Variants in NALF1 observed in about 807,000 individuals in gnomAD.
The protein encoded by NALF1 is family with sequence similarity 155 member A.
NALF1 carries 3 observed loss-of-function variants against 48.4 expected under a neutral mutation model. The observed-to-expected ratio is 0.06, with a 90% CI of 0.03 to 0.16. The LOEUF (loss-of-function observed/expected upper bound fraction) is 0.16. Ranked by LOEUF, NALF1 falls within the 10% of genes least tolerant of loss-of-function variation. The pLI is 1.00. For synonymous variants in NALF1, 262 were observed against 245.7 expected (o/e 1.07, Z -0.62); for missense variants, 526 against 571.5 (o/e 0.92, Z 0.81).
intron 1 of NALF1, among the ~76,000 whole-genome samples, chr13:107,224,268 A>G (rs774900698): frequency 1.3e-5 from 2 of 151,800 alleles, no homozygotes; most frequent in African/African-American, 4.8e-5. Context: ...CAAAAATCAA[A>G]TTAATAAAGC....
intron 1 of NALF1, among the ~76,000 whole-genome samples, chr13:107,288,173 G>A: frequency 6.6e-6 from 1 of 150,626 alleles, no homozygotes; most frequent in Admixed American, 6.6e-5. Context: ...ATATTTAATA[G>A]AAGATTAGTT....
intron 1 of NALF1, among the ~76,000 whole-genome samples, chr13:107,488,734 C>A (rs1468161904): frequency 2.6e-5 from 4 of 152,088 alleles, no homozygotes; most frequent in Admixed American, 6.6e-5. Flanking sequence ...TTTCCTCTCT[C>A]AACACTCTTA....
intron 1 of NALF1, among the ~76,000 whole-genome samples, chr13:107,506,721 T>A (rs1203037421): frequency 4.6e-5 from 7 of 152,138 alleles, no homozygotes; most frequent in African/African-American, 1.7e-4. Context: ...AATTCATTTT[T>A]TCTCTGAATA....
chr13:107,198,386 A>C (rs1419573178), intron 2 of NALF1, among the ~76,000 whole-genome samples: 2 of 152,324 alleles, frequency 1.3e-5, no homozygotes, highest in South Asian at 4.2e-4. Context: ...TTTACTTTAC[A>C]ATTAAAGACT....
At chr13:107,515,089 C>A (rs1475076516) in intron 1 of NALF1, among the ~76,000 whole-genome samples, 4 of 152,114 alleles carry the variant, frequency 2.6e-5, no homozygotes, top group Non-Finnish European at 5.9e-5. Flanking sequence ...TTACAAAATA[C>A]AAGAAATAGG....
intron 1 of NALF1, among the ~76,000 whole-genome samples, chr13:107,480,678 C>T (rs1885241374): frequency 2.0e-5 from 3 of 152,134 alleles, no homozygotes. Context: ...ATACATGCGG[C>T]CCACGGGCCG....
At chr13:107,654,254 C>T (rs925982059) in intron 1 of NALF1, among the ~76,000 whole-genome samples, 3 of 152,102 alleles carry the variant, frequency 2.0e-5, no homozygotes, top group African/African-American at 7.2e-5. Context: ...ACTGTAAACA[C>T]CTTTATGTGC....
At chr13:107,805,786 T>C (rs1878767312) in intron 1 of NALF1, among the ~76,000 whole-genome samples, 2 of 152,162 alleles carry the variant, frequency 1.3e-5, no homozygotes, top group South Asian at 2.1e-4. Context: ...TTTGCAAGTG[T>C]CTTCTTAATG....
intron 1 of NALF1, among the ~76,000 whole-genome samples, chr13:107,741,059 CTTGTTTGGTATCAG>C (rs1347360224): frequency 1.4e-4 from 21 of 152,242 alleles, no homozygotes; most frequent in African/African-American, 4.8e-4. Flanking sequence ...CATTGATTCT[CTTGTTTGGTATCAG>C]TAGCGTTTTG....
chr13:107,682,702 G>A (rs965659863), intron 1 of NALF1, among the ~76,000 whole-genome samples: 4 of 151,624 alleles, frequency 2.6e-5, no homozygotes, highest in African/African-American at 9.7e-5. Context: ...TACAAGTTCT[G>A]CGAGGGCCAG....
intron 1 of NALF1, among the ~76,000 whole-genome samples, chr13:107,661,016 A>G (rs1299486946): frequency 2.6e-5 from 4 of 152,238 alleles, no homozygotes; most frequent in African/African-American, 9.6e-5. Flanking sequence ...TATTTGGGAA[A>G]AAATCCGTAA....
intron 1 of NALF1, among the ~76,000 whole-genome samples, chr13:107,786,498 C>T (rs1594266116): frequency 2.1e-5 from 3 of 142,074 alleles, no homozygotes; most frequent in South Asian, 2.3e-4. Context: ...CTGAGGTGGG[C>T]GGATCACCTG....
intron 1 of NALF1, among the ~76,000 whole-genome samples, chr13:107,715,605 TGA>T (rs1347608181): frequency 1.3e-5 from 2 of 152,176 alleles, no homozygotes; most frequent in African/African-American, 4.8e-5. Context: ...ATTCATGTGA[TGA>T]GCCGCCTGTG....
At chr13:107,219,461 C>T (rs1283688862) in intron 1 of NALF1, among the ~76,000 whole-genome samples, 13 of 152,072 alleles carry the variant, frequency 8.5e-5, no homozygotes, top group Non-Finnish European at 1.8e-4. Context: ...GGAAATCAGT[C>T]TTCTAAAGAA....
At chr13:107,389,488 T>G in intron 1 of NALF1, among the ~76,000 whole-genome samples, 1 of 152,154 alleles carries the variant, frequency 6.6e-6, no homozygotes, top group East Asian at 1.9e-4. Flanking sequence ...GGAGAGGGGC[T>G]GGGAAGCTCT....
chr13:107,692,284 T>C (rs999003778), intron 1 of NALF1, among the ~76,000 whole-genome samples: 2 of 152,204 alleles, frequency 1.3e-5, no homozygotes, highest in East Asian at 1.9e-4. Context: ...CTAGCTTCCT[T>C]TGATCAACAT....
intron 1 of NALF1, among the ~76,000 whole-genome samples, chr13:107,414,717 GTTAT>G (rs1030031826): frequency 2.6e-5 from 4 of 151,666 alleles, no homozygotes; most frequent in African/African-American, 9.7e-5. Flanking sequence ...GATCTAAGTT[GTTAT>G]TTATTTTTTA....
chr13:107,484,324 T>C (rs2139063621), intron 1 of NALF1, among the ~76,000 whole-genome samples: 1 of 152,296 alleles, frequency 6.6e-6, no homozygotes, highest in African/African-American at 2.4e-5. Context: ...TTTATAACAC[T>C]TTCTGGCAAA....
chr13:107,550,226 T>C (rs914920580), intron 1 of NALF1, among the ~76,000 whole-genome samples: 3 of 152,144 alleles, frequency 2.0e-5, no homozygotes, highest in Non-Finnish European at 4.4e-5. Flanking sequence ...TCCTGGTTAA[T>C]TTCCAGTTCA....
Sources: allele counts gnomAD v4.1 joint callset (sites outside exome capture counted in the v4.1 genomes callset), GRCh38; gene constraint gnomAD v4.1.1; transcripts MANE v1.5; gene names NCBI Gene and HGNC (gene_info 2026-07-23, HGNC 2026-07-21).